The following COL4A6 variants were observed in gnomAD, a reference collection of about 807,000 sequenced individuals.
COL4A6 encodes collagen type IV alpha 6 chain.
Under a neutral mutation model 126.7 loss-of-function variants are expected in COL4A6, and 59 were observed. The ratio of observed to expected loss-of-function variants is 0.47; its 90% CI spans 0.38 to 0.58. The LOEUF is 0.58. COL4A6 is among the 20% of genes least tolerant of loss of function. The probability of loss-of-function intolerance (pLI) is 0.00; values close to 1 mark genes in which losing one functional copy is unlikely to be tolerated. For synonymous variants in COL4A6, 547 were observed against 496.6 expected (o/e 1.10, Z -1.35); for missense variants, 1,285 against 1,337.3 (o/e 0.96, Z 0.61).
At chrX:108,261,150 C>A (rs915100070) in intron 3 of COL4A6, among the ~76,000 whole-genome samples, 4 of 111,565 alleles carry the variant, frequency 3.6e-5, no homozygotes, top group African/African-American at 9.8e-5. Flanking sequence ...TATATGGTAG[C>A]CACTAGTTGT....
At chrX:108,393,780 T>C (rs1415717166) in intron 2 of COL4A6, among the ~76,000 whole-genome samples, 1 of 112,166 alleles carries the variant, frequency 8.9e-6, no homozygotes, top group East Asian at 2.8e-4. Context: ...AAACAACAGA[T>C]ACTGGAGAGG....
At chrX:108,295,424 T>C (rs763974722) in intron 3 of COL4A6, among the ~76,000 whole-genome samples, 1 of 112,563 alleles carries the variant, frequency 8.9e-6, no homozygotes, top group East Asian at 2.8e-4. Context: ...TGGTGGCCTT[T>C]ATGTCACTTG....
chrX:108,347,875 G>A (rs1488164666), intron 2 of COL4A6, among the ~76,000 whole-genome samples: 2 of 109,237 alleles, frequency 1.8e-5, no homozygotes, highest in Non-Finnish European at 3.8e-5. Flanking sequence ...CCCCAAGCAG[G>A]GAGGGCAGAA....
At chrX:108,373,660 C>T (rs2040374741) in intron 2 of COL4A6, among the ~76,000 whole-genome samples, 1 of 111,474 alleles carries the variant, frequency 9.0e-6, no homozygotes, top group African/African-American at 3.3e-5. Context: ...CCCCAGCCCC[C>T]AGTCCATCCT....
intron 37 of COL4A6, among the ~76,000 whole-genome samples, chrX:108,168,481 A>T (rs1327145454): frequency 8.9e-6 from 1 of 112,504 alleles, no homozygotes; most frequent in African/African-American, 3.2e-5. Context: ...GCACATAAAC[A>T]AAATGCGGTG....
At chrX:108,431,164 A>C (rs1489088519) in intron 2 of COL4A6, among the ~76,000 whole-genome samples, 1 of 112,096 alleles carries the variant, frequency 8.9e-6, no homozygotes, top group East Asian at 2.8e-4. Flanking sequence ...CTTGTTCACC[A>C]CTGTGTCACT....
chrX:108,366,865 T>C (rs2040208259), intron 2 of COL4A6, among the ~76,000 whole-genome samples: 1 of 112,235 alleles, frequency 8.9e-6, no homozygotes, highest in Non-Finnish European at 1.9e-5. Context: ...TGCAGGGCTA[T>C]GGGACTAATA....
rs151020447 is a variant in COL4A6, at chrX:108,233,298, T to C, written c.145-11924A>G. ...TTTGGCATTATTCTCTGACATAATATATTGCCCATCATTGATATGCTATAC... is the reference window on the plus strand; with the variant it reads ...TTTGGCATTATTCTCTGACATAATACATTGCCCATCATTGATATGCTATAC... On this transcript the variant is annotated intron_variant, in intron 3 of 44. Transcript: ENST00000334504. 9.0e-4 allele frequency among the ~76,000 whole-genome samples: 101 copies of C among 111,777 alleles called. No homozygotes were observed. In the East Asian group the frequency reaches 0.026, roughly 29 times the overall value.
At chrX:108,167,481 G>A (rs778791974) in intron 37 of COL4A6, among the ~76,000 whole-genome samples, 57 of 110,763 alleles carry the variant, frequency 5.1e-4, no homozygotes, top group Non-Finnish European at 8.1e-4. Context: ...GATTACAGGC[G>A]CACACCACTA....
At chrX:108,191,596 T>C in intron 18 of COL4A6, 63 bp from the exon 19 acceptor site, 2 of 1,115,714 alleles carry the variant, frequency 1.8e-6, no homozygotes, top group Non-Finnish European at 2.4e-6. Flanking sequence ...AGTATTCCTA[T>C]CTGTGGCATA....
intron 3 of COL4A6, among the ~76,000 whole-genome samples, chrX:108,283,845 T>A (rs950959103): frequency 3.0e-4 from 33 of 110,747 alleles, no homozygotes; most frequent in African/African-American, 1.1e-3. Context: ...AAAGAGGGCT[T>A]GGGAGGAAGG....
At chrX:108,326,345 G>A (rs768752959) in intron 2 of COL4A6, among the ~76,000 whole-genome samples, 1 of 112,269 alleles carries the variant, frequency 8.9e-6, no homozygotes, top group South Asian at 3.7e-4. Flanking sequence ...ATGTGCAGTC[G>A]CTTTGCATGG....
At chrX:108,213,902 A>G in intron 6 of COL4A6, 1 of 386,087 alleles carries the variant, frequency 2.6e-6, no homozygotes, top group South Asian at 5.2e-5. Flanking sequence ...AGGCAACCCT[A>G]AGCAGTGTAG....
At chrX:108,288,850 A>G (rs533564327) in intron 3 of COL4A6, among the ~76,000 whole-genome samples, 2 of 111,456 alleles carry the variant, frequency 1.8e-5, no homozygotes, top group South Asian at 3.8e-4. Flanking sequence ...AACATTACCA[A>G]TAATTGGAAA....
intron 37 of COL4A6, among the ~76,000 whole-genome samples, chrX:108,165,690 C>T (rs984548562): frequency 1.8e-5 from 2 of 112,070 alleles, no homozygotes; most frequent in African/African-American, 6.5e-5. Flanking sequence ...AGAGACTCCC[C>T]TTTTCCAGCT....
chrX:108,165,313 C>A, intron 38 of COL4A6, 57 bp downstream of exon 38: 1 of 1,024,692 alleles, frequency 9.8e-7, no homozygotes, highest in Non-Finnish European at 1.4e-6. Context: ...TACATGACTT[C>A]CCCAAATGTC....
chrX:108,193,514 T>C, intron 17 of COL4A6, 114 bp downstream of exon 17: 1 of 612,503 alleles, frequency 1.6e-6, no homozygotes, highest in Non-Finnish European at 2.6e-6. Flanking sequence ...CTCTTGGGTG[T>C]GTCAAGTTTA....
At chrX:108,379,255 T>A (rs2148128604) in intron 2 of COL4A6, among the ~76,000 whole-genome samples, 1 of 109,943 alleles carries the variant, frequency 9.1e-6, no homozygotes, top group Admixed American at 9.8e-5. Context: ...TAAATTCCTT[T>A]ATTTTTATTT....
chrX:108,434,119 T>A (rs2147408926), intron 2 of COL4A6, among the ~76,000 whole-genome samples: 1 of 111,807 alleles, frequency 8.9e-6, no homozygotes, highest in African/African-American at 3.2e-5. Context: ...CTCCAAACTA[T>A]GCTTAAAAAT....
Sources: allele counts gnomAD v4.1 joint callset (sites outside exome capture counted in the v4.1 genomes callset), GRCh38; gene constraint gnomAD v4.1.1; transcripts MANE v1.5; gene names NCBI Gene and HGNC (gene_info 2026-07-23, HGNC 2026-07-21).